HS3ST4: variants seen among roughly 807,000 people sequenced by gnomAD.
The protein encoded by HS3ST4 is heparan sulfate-glucosamine 3-sulfotransferase 4, also known as heparan sulfate glucosamine 3-O-sulfotransferase 4.
A neutral mutation model predicts 29.2 loss-of-function variants in HS3ST4; 17 were observed. The ratio of observed to expected loss-of-function variants is 0.58; its 90% CI spans 0.40 to 0.87. The LOEUF (loss-of-function observed/expected upper bound fraction) is 0.87, where lower values mean the gene tolerates loss of function less well. Among genes scored for constraint, HS3ST4 ranks in the 40% least tolerant of loss-of-function variants. HS3ST4 has a pLI of 0.00. For synonymous variants in HS3ST4, 314 were observed against 285.7 expected (o/e 1.10, Z -1.00); for missense variants, 627 against 634.5 (o/e 0.99, Z 0.13).
At position 25,707,423 on chromosome 16, in the gene HS3ST4, A is replaced by G. The variant is rs562278494; in HGVS notation, c.734+14272A>G. 1.6e-4 allele frequency among the ~76,000 whole-genome samples: 25 copies of G among 152,302 alleles called. No individual in the cohort carries two copies. The South Asian group carries it at 4.8e-3, about 29-fold the overall frequency. ...TTAACTTTATCATAGCTATGTATGT[A>G]TAGGAAATAACATAATATCTATAGG... is the stretch of plus-strand genomic sequence containing the variant. On this transcript the variant is annotated intron_variant, in intron 1 of 1. Transcript: ENST00000331351.
intron 1 of HS3ST4, among the ~76,000 whole-genome samples, chr16:25,755,536 G>A (rs1318493046): frequency 6.6e-6 from 1 of 152,196 alleles, no homozygotes. Context: ...CGTAGATCAT[G>A]TGGTTCTAGG....
rs189329116 is a variant in HS3ST4, at chr16:25,813,057, C to G, written c.734+119906C>G. Reference sequence around the variant, plus strand: ...CACAGTACATCTATCTGACAAAGGGCTCATGTCCAGAACGTATAAAGAACG... The same window carrying G: ...CACAGTACATCTATCTGACAAAGGGGTCATGTCCAGAACGTATAAAGAACG... On this transcript the variant is annotated intron_variant, in intron 1 of 1. Coordinates refer to ENST00000331351, the MANE Select transcript of HS3ST4 (RefSeq NM_006040.3). Among the ~76,000 whole-genome samples, 387 of 152,196 alleles carry G rather than the reference C, an allele frequency of 2.5e-3. 7 individuals carry two copies. The highest frequency in any genetic ancestry group is 1.1e-3 in the Non-Finnish European group (74 of 68,012).
intron 1 of HS3ST4, among the ~76,000 whole-genome samples, chr16:26,093,400 G>C (rs775842290): frequency 1.3e-5 from 2 of 152,174 alleles, no homozygotes; most frequent in Non-Finnish European, 2.9e-5. Context: ...GAGGAAGGAT[G>C]AGGCAGCAAT....
At chr16:25,873,055 G>A (rs894983085) in intron 1 of HS3ST4, among the ~76,000 whole-genome samples, 14 of 152,080 alleles carry the variant, frequency 9.2e-5, no homozygotes, top group Non-Finnish European at 1.3e-4. Flanking sequence ...GGCTCAGAAT[G>A]CACTGGCTGT....
rs145912256 is a variant in HS3ST4, at chr16:26,020,126, G to T, written c.735-115486G>T. ...AGGATTTGCATGTCTAAAGCCCAGG[G>T]CATGCAGAGCTTCTGGAAAAAGGTG... is the stretch of plus-strand genomic sequence containing the variant. On this transcript the variant is annotated intron_variant, in intron 1 of 1. Coordinates refer to ENST00000331351, the MANE Select transcript of HS3ST4 (RefSeq NM_006040.3). Among the ~76,000 whole-genome samples the T allele has an allele frequency of 1.2e-4, 19 of 152,302 alleles. No individual in the cohort carries two copies. The East Asian group carries it at 2.9e-3, about 23-fold the overall frequency.
At chr16:25,829,895 C>G (rs1967275882) in intron 1 of HS3ST4, among the ~76,000 whole-genome samples, 1 of 152,140 alleles carries the variant, frequency 6.6e-6, no homozygotes, top group Non-Finnish European at 1.5e-5. Flanking sequence ...GCAATCTCAG[C>G]TTAATGGAAC....
rs956442531 is a variant in HS3ST4 at position 26,087,544 on chromosome 16, C to G, written c.735-48068C>G. Among the ~76,000 whole-genome samples the G allele has an allele frequency of 3.3e-5, 5 of 152,148 alleles. No individual in the cohort carries two copies. In the East Asian group the frequency reaches 7.8e-4, roughly 24 times the overall value. On this transcript the variant is annotated intron_variant, in intron 1 of 1. Coordinates refer to ENST00000331351, the MANE Select transcript of HS3ST4 (RefSeq NM_006040.3). ...CATCAGCAGGTCCTCTGATTGAAAC[C>G]CTTAAAGAGCTCTGAAATCTTTCCA...
intron 1 of HS3ST4, among the ~76,000 whole-genome samples, chr16:25,711,565 A>C (rs925664307): frequency 7.9e-5 from 12 of 151,832 alleles, no homozygotes; most frequent in Non-Finnish European, 1.3e-4. Flanking sequence ...CATCACGGCC[A>C]CCTCTTATTT....
chr16:25,949,248 ACAATT>A (rs1968660575), intron 1 of HS3ST4, among the ~76,000 whole-genome samples: 1 of 152,158 alleles, frequency 6.6e-6, no homozygotes, highest in South Asian at 2.1e-4. Context: ...TTTAAAATGT[ACAATT>A]CATTTATCAT....
chr16:25,967,565 C>T (rs185454886), intron 1 of HS3ST4, among the ~76,000 whole-genome samples: 24 of 152,178 alleles, frequency 1.6e-4, no homozygotes, highest in East Asian at 1.2e-3. Context: ...CAAAATTGTC[C>T]GCCAGTCTTA....
In HS3ST4 at chr16:26,044,056, C is replaced by T. The variant is rs115582422; in HGVS notation, c.735-91556C>T. Among the ~76,000 whole-genome samples, 616 of 152,318 alleles carry T rather than the reference C, an allele frequency of 4.0e-3. 2 individuals are homozygous for T. Among genetic ancestry groups the T allele is most frequent in the African/African-American group, 0.014 (589 of 41,578 alleles). On this transcript the variant is annotated intron_variant, in intron 1 of 1. Coordinates refer to ENST00000331351, the MANE Select transcript of HS3ST4 (RefSeq NM_006040.3). ...AAGTTTGACAAATAGCCACAAATCA[C>T]ACAGCTGGTAAGTGGTGTTGGTGGA... is the stretch of plus-strand genomic sequence containing the variant.
At chr16:25,714,968 C>T (rs1456661767) in intron 1 of HS3ST4, among the ~76,000 whole-genome samples, 3 of 152,184 alleles carry the variant, frequency 2.0e-5, no homozygotes, top group African/African-American at 4.8e-5. Flanking sequence ...AATCTTATTT[C>T]TAAGTTCTTG....
At chr16:25,746,141 G>A (rs1010761223) in intron 1 of HS3ST4, among the ~76,000 whole-genome samples, 2 of 152,218 alleles carry the variant, frequency 1.3e-5, no homozygotes, top group African/African-American at 4.8e-5. Context: ...ATGAGCTTCT[G>A]AAGGTCAGCA....
chr16:25,813,915 A>G (rs1263941779), intron 1 of HS3ST4, among the ~76,000 whole-genome samples: 1 of 152,236 alleles, frequency 6.6e-6, no homozygotes, highest in Non-Finnish European at 1.5e-5. Context: ...TAACAACAAC[A>G]AAAAGACAAG....
At chr16:25,840,220 T>C (rs972843493) in intron 1 of HS3ST4, among the ~76,000 whole-genome samples, 18 of 152,226 alleles carry the variant, frequency 1.2e-4, no homozygotes, top group African/African-American at 4.3e-4. Flanking sequence ...TCCTTAAATC[T>C]CTTTGACATA....
chr16:25,854,194 A>G (rs143163341), intron 1 of HS3ST4, among the ~76,000 whole-genome samples: 1,874 of 152,162 alleles, frequency 0.012, 20 homozygotes, highest in South Asian at 0.025. Context: ...CTGCAGTGGC[A>G]TAATGATAGC....
intron 1 of HS3ST4, among the ~76,000 whole-genome samples, chr16:25,788,969 G>A (rs1444590729): frequency 6.6e-6 from 1 of 152,104 alleles, no homozygotes; most frequent in African/African-American, 2.4e-5. Flanking sequence ...ACATCCAAAA[G>A]CTGCCCTAAA....
chr16:25,970,458 A>G (rs920657949), intron 1 of HS3ST4, among the ~76,000 whole-genome samples: 3 of 152,162 alleles, frequency 2.0e-5, no homozygotes, highest in Non-Finnish European at 4.4e-5. Context: ...TATCCCTGTG[A>G]TAATCCTCAT....
intron 1 of HS3ST4, among the ~76,000 whole-genome samples, chr16:25,711,715 C>T (rs1966416963): frequency 6.6e-6 from 1 of 152,142 alleles, no homozygotes; most frequent in African/African-American, 2.4e-5. Flanking sequence ...ACAAACACTC[C>T]CTGACTTTAT....
Sources: allele counts gnomAD v4.1 joint callset (sites outside exome capture counted in the v4.1 genomes callset), GRCh38; gene constraint gnomAD v4.1.1; transcripts MANE v1.5; gene names NCBI Gene and HGNC (gene_info 2026-07-23, HGNC 2026-07-21).